DSP: variants seen among roughly 807,000 people sequenced by gnomAD.
The protein encoded by DSP is 250/210 kDa paraneoplastic pemphigus antigen.
DSP carries 114 observed loss-of-function variants against 290.6 expected under a neutral mutation model. That is an observed-to-expected ratio of 0.39 (90% CI 0.34 to 0.46). The LOEUF is 0.46. Among genes scored for constraint, DSP ranks in the 20% least tolerant of loss-of-function variants. The pLI is 0.99. For missense variants in DSP, 3,230 were observed against 3,495.8 expected (o/e 0.92, Z 1.92); for synonymous variants, 1,311 against 1,316.4 (o/e 1.00, Z 0.09).
intron 1 of DSP, among the ~76,000 whole-genome samples, chr6:7,554,677 C>T (rs958638433): frequency 6.6e-6 from 1 of 152,164 alleles, no homozygotes; most frequent in Non-Finnish European, 1.5e-5. Flanking sequence ...CAGGGTCTCA[C>T]TCTGTCACCG....
chr6:7,541,837 T>C lies in DSP; in HGVS notation c.-79T>C. 2 of 1,506,556 alleles carry C rather than the reference T, an allele frequency of 1.3e-6. No individual in the cohort carries two copies. The highest frequency in any genetic ancestry group is 8.9e-7 in the Non-Finnish European group (1 of 1,124,546). 93.3% of individuals were successfully genotyped at this position (1,506,556 alleles called of 1,614,324 possible). ...GGTTCCCCGGCCGTCCGCCTATCCT[T>C]GGCCCCCTCCGCTTTCTCCGCGCCG... On this transcript the variant is annotated 5_prime_UTR_variant, in exon 1 of 24. Coordinates refer to ENST00000379802, the MANE Select transcript of DSP (RefSeq NM_004415.4).
intron 11 of DSP, 67 bp from the exon 12 acceptor site, chr6:7,569,119 A>C: frequency 6.2e-7 from 1 of 1,607,124 alleles, no homozygotes; most frequent in Non-Finnish European, 8.5e-7. Flanking sequence ...TGTTTCCATC[A>C]TTGAGAAAAA....
At position 7,579,211 on chromosome 6, in the gene DSP, A is replaced by C; in HGVS notation, c.3085-64A>C. On this transcript the variant is annotated intron_variant, in intron 22 of 23. Coordinates refer to ENST00000379802, the MANE Select transcript of DSP (RefSeq NM_004415.4). This position sits in a 1 kb window ranked among gnomAD's most constrained non-coding sequence, Gnocchi z 4.1. ...CACATTGGTCTGGGAGGGGAAAAGT[A>C]CTGCTTCTTTCTTGGAATGTGAGGT... 6.3e-7 allele frequency: 1 copy of C among 1,594,602 alleles called. No homozygotes were observed. Among genetic ancestry groups the C allele is most frequent in the Non-Finnish European group, 8.6e-7 (1 of 1,169,494 alleles).
Position 7,541,921 on chromosome 6 carries a change from C to T in DSP, c.6C>T (p.Ser2=), listed in dbSNP as rs776052488. The T allele has an allele frequency of 1.2e-6, 2 of 1,608,848 alleles. No individual in the cohort carries two copies. The highest frequency in any genetic ancestry group is 1.7e-6 in the Non-Finnish European group (2 of 1,178,694). The change falls in exon 1 of 24, where the codon AGC becomes AGT. Residue 2 remains serine (S), a synonymous_variant. Transcript: ENST00000379802. M[S]CNGGSHPRIN... is the part of the protein sequence containing the mutation. ...TCTCCCGATTGCCCGCCGACATGAG[C>T]TGCAACGGAGGCTCCCACCCGCGGA...
At chr6:7,570,709 C>T (rs1759020465) in intron 13 of DSP, 146 bp downstream of exon 13, 1 of 1,130,598 alleles carries the variant, frequency 8.8e-7, no homozygotes, top group Non-Finnish European at 1.3e-6. Flanking sequence ...CTTAGAGGTT[C>T]TGGTCTGTCC....
In DSP at chr6:7,582,506, G is replaced by C. The variant is rs1009576140; in HGVS notation, c.5380-136G>C. ...AAATAACAAGCTCACAGTGTATCCA[G>C]GGACAATATAGAAAGAAAAAATAAG... On this transcript the variant is annotated intron_variant, in intron 23 of 23. Coordinates refer to ENST00000379802, the MANE Select transcript of DSP (RefSeq NM_004415.4). This position sits in a 1 kb window ranked among gnomAD's most constrained non-coding sequence, Gnocchi z 4.2. 1.2e-5 allele frequency: 10 copies of C among 808,100 alleles called. No individual in the cohort carries two copies. The highest frequency in any genetic ancestry group is 2.0e-5 in the Non-Finnish European group (10 of 508,892). 50.1% of individuals were successfully genotyped at this position (808,100 alleles called of 1,614,324 possible).
At position 7,584,596 on chromosome 6, in the gene DSP, C is replaced by T; in HGVS notation, c.7334C>T (p.Pro2445Leu). ...KDEETGLCLLPLKEKKKQVQT... is the reference protein window; with the variant it reads ...KDEETGLCLLLLKEKKKQVQT... ...GAGGAAACAGGGCTCTGTCTTCTGCCTCTGAAAGAAAAGAAGAAACAGGTG... is the reference window on the plus strand; with the variant it reads ...GAGGAAACAGGGCTCTGTCTTCTGCTTCTGAAAGAAAAGAAGAAACAGGTG... Residue 2445 changes from proline (P) to leucine (L), a missense_variant, in exon 24 of 24, where the codon CCT becomes CTT. Coordinates refer to ENST00000379802, the MANE Select transcript of DSP (RefSeq NM_004415.4). This position sits in a 1 kb window ranked among gnomAD's most constrained non-coding sequence, Gnocchi z 6.4. 1.2e-6 allele frequency: 2 copies of T among 1,613,860 alleles called. No individual in the cohort carries two copies. Among genetic ancestry groups the T allele is most frequent in the Non-Finnish European group, 1.7e-6 (2 of 1,179,862 alleles).
intron 15 of DSP, among the ~76,000 whole-genome samples, chr6:7,573,461 T>C (rs942237428): frequency 6.6e-6 from 1 of 151,614 alleles, no homozygotes; most frequent in Non-Finnish European, 1.5e-5. Context: ...GCCTGTAATC[T>C]CAGCTACTCA....
At chr6:7,581,729 G>A (rs1759446255) in intron 23 of DSP, among the ~76,000 whole-genome samples, 160 bp downstream of exon 23, 1 of 152,122 alleles carries the variant, frequency 6.6e-6, no homozygotes, top group African/African-American at 2.4e-5. Flanking sequence ...CCAGGTAACT[G>A]CTTTAAAATA....
intron 1 of DSP, 102 bp downstream of exon 1, chr6:7,542,187 G>GT (rs895505523): frequency 2.9e-5 from 43 of 1,478,400 alleles, no homozygotes; most frequent in South Asian, 1.6e-4. Flanking sequence ...AGGTGGAAAG[G>GT]TTTTTTTGCC....
intron 8 of DSP, 86 bp downstream of exon 8, chr6:7,566,567 A>AC (rs1230448212): frequency 9.0e-7 from 1 of 1,107,222 alleles, no homozygotes; most frequent in Non-Finnish European, 1.3e-6. Flanking sequence ...TTCTTATATG[A>AC]CTTAAAGCCG....
intron 1 of DSP, among the ~76,000 whole-genome samples, chr6:7,554,127 C>CA (rs1171658955): frequency 0.015 from 349 of 23,978 alleles, 3 homozygotes; most frequent in African/African-American, 0.063. Context: ...ACACACACAC[C>CA]CAGTTGGTTA....
At chr6:7,566,239 T>C (rs1356437145) in intron 7 of DSP, 138 bp from the exon 8 acceptor site, 1 of 744,298 alleles carries the variant, frequency 1.3e-6, no homozygotes, top group Non-Finnish European at 2.3e-6. Context: ...CTGTGATTCT[T>C]GAGGAAAACA....
Position 7,574,258 on chromosome 6 carries a change from C to T in DSP, c.2297+6C>T. 1 of 1,613,112 alleles carries T rather than the reference C, an allele frequency of 6.2e-7. No individual in the cohort carries two copies. Among genetic ancestry groups the T allele is most frequent in the South Asian group, 1.1e-5 (1 of 91,018 alleles). ...ACAGATGGCTACTTAAATAGGTAAACTCAGCTAACACTAATCTCATATTTT... is the reference window on the plus strand; with the variant it reads ...ACAGATGGCTACTTAAATAGGTAAATTCAGCTAACACTAATCTCATATTTT... On this transcript the variant is annotated splice_donor_region_variant and intron_variant, in intron 16 of 23. Coordinates refer to ENST00000379802, the MANE Select transcript of DSP (RefSeq NM_004415.4).
At chr6:7,542,210 A>G (rs1758011374) in intron 1 of DSP, 125 bp downstream of exon 1, 2 of 1,337,304 alleles carry the variant, frequency 1.5e-6, no homozygotes, top group Non-Finnish European at 1.0e-6. Flanking sequence ...AGGTCCCGAA[A>G]GAACTTCCCG....
Position 7,565,238 on chromosome 6 carries a change from C to A in DSP, c.778-121C>A. On this transcript the variant is annotated intron_variant, in intron 6 of 23. Coordinates refer to ENST00000379802, the MANE Select transcript of DSP (RefSeq NM_004415.4). This position sits in a 1 kb window ranked among gnomAD's most constrained non-coding sequence, Gnocchi z 4.2. Reference sequence around the variant, plus strand: ...GTGGTCAGTGAATGCACAAGGTTAACATTTTTCCTATCCGTGTGATTTTTT... The same window carrying A: ...GTGGTCAGTGAATGCACAAGGTTAAAATTTTTCCTATCCGTGTGATTTTTT... 7.6e-7 allele frequency: 1 copy of A among 1,309,230 alleles called. No homozygotes were observed. 81.1% of individuals were successfully genotyped at this position (1,309,230 alleles called of 1,614,324 possible). A position where few individuals can be genotyped will look rare whatever the true frequency, so the allele number is the denominator to read the frequency against.
chr6:7,545,105 G>A (rs1370473379), intron 1 of DSP, among the ~76,000 whole-genome samples: 1 of 152,082 alleles, frequency 6.6e-6, no homozygotes, highest in Non-Finnish European at 1.5e-5. Flanking sequence ...TTTGTGGGAG[G>A]ATTAAAAGCA....
rs374824123 is a variant in DSP at position 7,542,998 on chromosome 6, A to AC, written c.170+919dup. Among the ~76,000 whole-genome samples, 38 of 149,688 alleles carry AC rather than the reference A, an allele frequency of 2.5e-4. 1 individual carries two copies. The highest frequency in any genetic ancestry group is 8.7e-4 in the African/African-American group (35 of 40,368). On this transcript the variant is annotated intron_variant, in intron 1 of 23. Coordinates refer to ENST00000379802, the MANE Select transcript of DSP (RefSeq NM_004415.4). ...GCCCTGGCCTAGGCGCCCCGGGAAG[A>AC]CCCCCCGGTGAGAGGGTCAGCTTCT...
Position 7,563,523 on chromosome 6 carries a change from G to A in DSP, c.727-213G>A, listed in dbSNP as rs2744376. On this transcript the variant is annotated intron_variant, in intron 5 of 23. Coordinates refer to ENST00000379802, the MANE Select transcript of DSP (RefSeq NM_004415.4). ...GTGACCCTGATCTGGGCTTTCCTTT[G>A]TGGAGACGGTGCTGCCAGGCCAGCA... is the stretch of plus-strand genomic sequence containing the variant. 0.27 allele frequency among the ~76,000 whole-genome samples: 40,804 copies of A among 151,944 alleles called. 5,870 individuals carry two copies. Among genetic ancestry groups the A allele is most frequent in the Middle Eastern group, 0.34 (101 of 294 alleles).
Sources: allele counts gnomAD v4.1 joint callset (sites outside exome capture counted in the v4.1 genomes callset), GRCh38; gene constraint gnomAD v4.1.1; non-coding constraint Gnocchi (gnomAD v3.1); transcripts MANE v1.5; gene names NCBI Gene and HGNC (gene_info 2026-07-23, HGNC 2026-07-21).